The following ZNF609 variants were observed in gnomAD, a reference collection of about 807,000 sequenced individuals.
ZNF609 encodes zinc finger protein 609.
ZNF609 carries 11 observed loss-of-function variants against 109.5 expected under a neutral mutation model. The ratio of observed to expected loss-of-function variants is 0.10; its 90% confidence interval spans 0.06 to 0.17. ZNF609 has a LOEUF of 0.17. Among genes scored for constraint, ZNF609 ranks in the 10% least tolerant of loss-of-function variants. ZNF609 has a pLI of 1.00. For missense variants in ZNF609, 1,559 were observed against 1,772.4 expected, an observed-to-expected ratio of 0.88 and a Z score of 2.16; for synonymous variants, 646 against 662.0, an observed-to-expected ratio of 0.98 and a Z score of 0.37.
chr15:64,536,451 T>G (rs1894144775), intron 2 of ZNF609, among the ~76,000 whole-genome samples: 1 of 152,168 alleles, frequency 6.6e-6, no homozygotes, highest in Admixed American at 6.5e-5. Flanking sequence ...CATCTTTTGC[T>G]TGAATCAACT....
At chr15:64,571,118 GCA>G (rs1424053374) in intron 2 of ZNF609, among the ~76,000 whole-genome samples, 1 of 152,284 alleles carries the variant, frequency 6.6e-6, no homozygotes, top group Non-Finnish European at 1.5e-5. Flanking sequence ...GAGATGATTT[GCA>G]CAGAGTAAGT....
intron 1 of ZNF609, among the ~76,000 whole-genome samples, chr15:64,477,947 C>T (rs916317193): frequency 6.6e-6 from 1 of 152,034 alleles, no homozygotes; most frequent in African/African-American, 2.4e-5. Flanking sequence ...TTATTTCTGT[C>T]CACATGTTAT....
intron 3 of ZNF609, among the ~76,000 whole-genome samples, chr15:64,641,299 C>T (rs1896253667): frequency 7.6e-6 from 1 of 131,080 alleles, no homozygotes; most frequent in Admixed American, 9.6e-5. Flanking sequence ...CTCACCACAA[C>T]CTCTGCCTCC....
rs1473714588 is a variant in ZNF609 at position 64,505,281 on chromosome 15, T to G, written c.747+5115T>G. ...AATATTTCATCCAGCCAAATTTTCATTATAATAATTGAGGAATAGTTCTTT... is the reference window on the plus strand; with the variant it reads ...AATATTTCATCCAGCCAAATTTTCAGTATAATAATTGAGGAATAGTTCTTT... On this transcript the variant is annotated intron_variant, in intron 2 of 9. Coordinates refer to ENST00000326648, the MANE Select transcript of ZNF609 (RefSeq NM_015042.2). Among the ~76,000 whole-genome samples, 3 of 152,114 alleles carry G rather than the reference T, an allele frequency of 2.0e-5. No individual in the cohort carries two copies. The East Asian group carries it at 5.8e-4, about 29-fold the overall frequency.
At chr15:64,488,033 G>A (rs1893356331) in intron 1 of ZNF609, among the ~76,000 whole-genome samples, 1 of 152,108 alleles carries the variant, frequency 6.6e-6, no homozygotes, top group African/African-American at 2.4e-5. Flanking sequence ...GCTCTCAGGA[G>A]TTTGTGGACT....
In ZNF609 at chr15:64,683,559, A is replaced by T. The variant is rs1425234600; in HGVS notation, c.*1873A>T. ...CAAAACAGCCTCCCTCATACCCATC[A>T]TTCCCTCTGCCTTCTGCTGCCCTCA... On this transcript the variant is annotated 3_prime_UTR_variant, in exon 10 of 10. Coordinates refer to ENST00000326648, the MANE Select transcript of ZNF609 (RefSeq NM_015042.2). 2 of 152,296 alleles carry T rather than the reference A, an allele frequency of 1.3e-5. No individual in the cohort carries two copies. The highest frequency in any genetic ancestry group is 4.8e-5 in the African/African-American group (2 of 41,432). The allele number at this position is 152,296 out of a possible 1,614,324, so 9.4% of individuals were successfully genotyped here.
intron 2 of ZNF609, among the ~76,000 whole-genome samples, chr15:64,618,379 G>T (rs1204110515): frequency 1.3e-5 from 2 of 152,186 alleles, no homozygotes; most frequent in Non-Finnish European, 2.9e-5. Flanking sequence ...GTGTCTAGGG[G>T]TGAATGCTTA....
At chr15:64,545,877 G>A (rs1894350790) in intron 2 of ZNF609, among the ~76,000 whole-genome samples, 1 of 151,982 alleles carries the variant, frequency 6.6e-6, no homozygotes, top group Non-Finnish European at 1.5e-5. Context: ...CTATTTCATT[G>A]TATAGATATA....
chr15:64,564,133 A>G (rs1894735568), intron 2 of ZNF609, among the ~76,000 whole-genome samples: 1 of 150,714 alleles, frequency 6.6e-6, no homozygotes, highest in Non-Finnish European at 1.5e-5. Flanking sequence ...GTAAACTGTT[A>G]GCCTTTATCT....
At chr15:64,681,007 G>T in intron 8 of ZNF609, 145 bp downstream of exon 8, 1 of 891,564 alleles carries the variant, frequency 1.1e-6, no homozygotes, top group South Asian at 1.8e-5. Context: ...CTTCTAATCT[G>T]TGCACAGTCC....
chr15:64,661,568 C>T (rs989343536), intron 3 of ZNF609, among the ~76,000 whole-genome samples: 1 of 152,188 alleles, frequency 6.6e-6, no homozygotes, highest in Non-Finnish European at 1.5e-5. Context: ...AGCATATAGG[C>T]AAATGCTGAT....
chr15:64,467,160 G>A (rs1035707001), intron 1 of ZNF609, among the ~76,000 whole-genome samples: 2 of 152,188 alleles, frequency 1.3e-5, no homozygotes, highest in African/African-American at 4.8e-5. Context: ...GCAAACCTAG[G>A]ATTTTTCTCT....
At chr15:64,547,962 A>G (rs1245888206) in intron 2 of ZNF609, among the ~76,000 whole-genome samples, 1 of 152,184 alleles carries the variant, frequency 6.6e-6, no homozygotes, top group Admixed American at 6.5e-5. Flanking sequence ...AAGTCATCAT[A>G]AACCAAATAG....
At chr15:64,644,430 G>T (rs1337590961) in intron 3 of ZNF609, among the ~76,000 whole-genome samples, 1 of 152,232 alleles carries the variant, frequency 6.6e-6, no homozygotes, top group Admixed American at 6.5e-5. Context: ...TGAGGTTACA[G>T]TGAGCTATGA....
intron 2 of ZNF609, among the ~76,000 whole-genome samples, chr15:64,595,090 T>C (rs569522721): frequency 6.6e-6 from 1 of 151,268 alleles, no homozygotes; most frequent in South Asian, 2.1e-4. Context: ...CCGGGCGCGG[T>C]GGCTCGTGCC....
intron 1 of ZNF609, among the ~76,000 whole-genome samples, chr15:64,481,116 T>G (rs1020210883): frequency 6.6e-6 from 1 of 152,094 alleles, no homozygotes; most frequent in African/African-American, 2.4e-5. Context: ...TTTTAGGAAA[T>G]TGAGCTGTGA....
chr15:64,573,631 G>C (rs1894900788), intron 2 of ZNF609, among the ~76,000 whole-genome samples: 1 of 151,736 alleles, frequency 6.6e-6, no homozygotes, highest in Non-Finnish European at 1.5e-5. Context: ...CCAAAATGCT[G>C]GGATTACAGG....
intron 3 of ZNF609, among the ~76,000 whole-genome samples, chr15:64,630,106 T>C (rs971029362): frequency 9.3e-5 from 14 of 150,146 alleles, no homozygotes; most frequent in African/African-American, 3.2e-4. Context: ...TTCTTTTTTT[T>C]TTTTTTTTTG....
At chr15:64,533,779 T>G (rs561244304) in intron 2 of ZNF609, among the ~76,000 whole-genome samples, 99 of 152,342 alleles carry the variant, frequency 6.5e-4, no homozygotes, top group African/African-American at 2.3e-3. Flanking sequence ...AGATCCCTTG[T>G]ACATTTTACC....
Sources: gnomAD v4.1 joint callset for allele counts (sites outside exome capture counted in the v4.1 genomes callset) on GRCh38, gnomAD v4.1.1 for gene constraint, MANE v1.5 for transcripts, NCBI Gene and HGNC (gene_info 2026-07-23, HGNC 2026-07-21) for gene names.